TERT: variants seen among roughly 807,000 people sequenced by gnomAD.
The protein encoded by TERT is telomerase catalytic subunit.
TERT carries 42 observed loss-of-function variants against 104.0 expected under a neutral mutation model. That is an observed-to-expected ratio of 0.40 (90% CI 0.32 to 0.52). The LOEUF is 0.52. Among genes scored for constraint, TERT ranks in the 20% least tolerant of loss-of-function variants. The pLI, the probability that TERT is intolerant of heterozygous loss-of-function variation, is 0.43. For synonymous variants in TERT, 781 were observed against 725.6 expected, an observed-to-expected ratio of 1.08 and a Z score of -1.23; for missense variants, 1,101 against 1,610.3, an observed-to-expected ratio of 0.68 and a Z score of 5.41.
At chr5:1,259,061 G>A (rs1747974189) in intron 12 of TERT, among the ~76,000 whole-genome samples, 1 of 149,994 alleles carries the variant, frequency 6.7e-6, no homozygotes, top group Non-Finnish European at 1.5e-5. Context: ...AGGAGAGAGG[G>A]AATGGAGTGG....
At chr5:1,291,226 G>A (rs1274434444) in intron 2 of TERT, among the ~76,000 whole-genome samples, 9 of 109,018 alleles carry the variant, frequency 8.3e-5, no homozygotes, top group South Asian at 3.7e-4. Flanking sequence ...ACCTGGGGCC[G>A]CGCCTCACTC....
Position 1,266,525 on chromosome 5 carries a change from G to A in TERT, c.2593C>T (p.Arg865Cys), listed in dbSNP as rs372868296. 2 of 1,609,394 alleles carry A rather than the reference G, an allele frequency of 1.2e-6. No individual in the cohort carries two copies. The highest frequency in any genetic ancestry group is 2.2e-5 in the East Asian group (1 of 44,832). Residue 865 changes from arginine (R) to cysteine (C), a missense_variant, in exon 10 of 16, where the codon CGT (arginine) becomes TGT (cysteine). By Grantham distance (180) the Arg-to-Cys change is radical. Coordinates refer to ENST00000310581, the MANE Select transcript of TERT (RefSeq NM_198253.3). ...AGIRRDGLLL[R>C]LVDDFLLVTP... ...ACCAACAAGAAATCATCCACCAAAC[G>A]CAGGAGCAGCCTAAAATAAGGGAAA...
rs116673866 is a variant in TERT, at chr5:1,277,014, T to C, written c.2286+1627A>G. ...CACACAAAGAGCTCCTGCAAGCCGA[T>C]GATGGCAGGCAGGCGCCCCATACAG... On this transcript the variant is annotated intron_variant, in intron 6 of 15. Transcript: ENST00000310581. 6.8e-3 allele frequency among the ~76,000 whole-genome samples: 1,038 copies of C among 152,308 alleles called. 12 individuals carry two copies. The highest frequency in any genetic ancestry group is 0.024 in the African/African-American group (998 of 41,562).
Position 1,280,203 on chromosome 5 carries a change from G to A in TERT, c.1905C>T (p.Asn635=), listed in dbSNP as rs891246934. ...PKPDGLRPIV[N]MDYVVGARTF... Reference sequence around the variant, plus strand: ...TTCTGGCTCCCACGACGTAGTCCATGTTCACAATCGGCCGCAGCCCGTCAG... The same window carrying A: ...TTCTGGCTCCCACGACGTAGTCCATATTCACAATCGGCCGCAGCCCGTCAG... The change falls in exon 4 of 16, where the codon AAC becomes AAT. Residue 635 remains asparagine (N), a synonymous_variant. Coordinates refer to ENST00000310581, the MANE Select transcript of TERT (RefSeq NM_198253.3). 5.6e-6 allele frequency: 9 copies of A among 1,613,960 alleles called. No individual in the cohort carries two copies. The highest frequency in any genetic ancestry group is 1.7e-5 in the Admixed American group (1 of 60,016).
Position 1,265,354 on chromosome 5 carries a change from C to T in TERT, c.2655-762G>A, listed in dbSNP as rs1298172552. Among the ~76,000 whole-genome samples, 1 of 152,164 alleles carries T rather than the reference C, an allele frequency of 6.6e-6. No homozygotes were observed. The highest frequency in any genetic ancestry group is 1.5e-5 in the Non-Finnish European group (1 of 68,014). ...TGCATTCCCAGCTCCCTGTGGCCACCCCTTCCTGTTACATGGCTGCCGACT... is the reference window on the plus strand; with the variant it reads ...TGCATTCCCAGCTCCCTGTGGCCACTCCTTCCTGTTACATGGCTGCCGACT... On this transcript the variant is annotated intron_variant, in intron 10 of 15. Coordinates refer to ENST00000310581, the MANE Select transcript of TERT (RefSeq NM_198253.3). This position sits in a 1 kb window ranked among gnomAD's most constrained non-coding sequence, Gnocchi z 6.9.
At position 1,286,411 on chromosome 5, in the gene TERT, C is replaced by A; in HGVS notation, c.1574-3787G>T. On this transcript the variant is annotated intron_variant, in intron 2 of 15. Coordinates refer to ENST00000310581, the MANE Select transcript of TERT (RefSeq NM_198253.3). This position sits in a 1 kb window ranked among gnomAD's most constrained non-coding sequence, Gnocchi z 5.3. ...GCGGGGGCAAAGCTACAGAAACACT[C>A]AACACGGAAAACAATATTAATAATG... Among the ~76,000 whole-genome samples the A allele has an allele frequency of 6.6e-6, 1 of 152,142 alleles. No individual in the cohort carries two copies. The highest frequency in any genetic ancestry group is 1.9e-4 in the East Asian group (1 of 5,194).
At chr5:1,254,270 T>C in intron 15 of TERT, 98 bp downstream of exon 15, 1 of 1,558,920 alleles carries the variant, frequency 6.4e-7, no homozygotes, top group Middle Eastern at 1.7e-4. Flanking sequence ...CGGGGGCGTC[T>C]GCACTTCAGC....
rs1222974466 is a variant in TERT, at chr5:1,262,964, C to A, written c.2843+1440G>T. ...CAGACAAAGCCAGTGGAGGCCAGGA[C>A]CAGGTAAGGCTGTGAGAGGGAAGCA... On this transcript the variant is annotated intron_variant, in intron 11 of 15. Transcript: ENST00000310581. This position sits in a 1 kb window ranked among gnomAD's most constrained non-coding sequence, Gnocchi z 5.6. Among the ~76,000 whole-genome samples the A allele has an allele frequency of 6.6e-6, 1 of 152,170 alleles. No individual in the cohort carries two copies.
rs1747773190 is a variant in TERT, at chr5:1,256,808, G to A, written c.3033-1397C>T. ...CCCAGGAGGGAAACACCTAGCATGG[G>A]TGAGGGGCTCTCTTCCAAAGGGAGA... On this transcript the variant is annotated intron_variant, in intron 13 of 15. Transcript: ENST00000310581. This position sits in a 1 kb window ranked among gnomAD's most constrained non-coding sequence, Gnocchi z 7.0. Among the ~76,000 whole-genome samples the A allele has an allele frequency of 2.6e-5, 4 of 152,244 alleles. No homozygotes were observed.
Position 1,280,335 on chromosome 5 carries a change from C to G in TERT, c.1773G>C (p.Gln591His). The G allele has an allele frequency of 6.2e-7, 1 of 1,612,974 alleles. No homozygotes were observed. The highest frequency in any genetic ancestry group is 8.5e-7 in the Non-Finnish European group (1 of 1,180,002). ...CCCGCAGCTGCACCCTCTTCAAGTG[C>G]TGTCTGCAATAGAGAGCCCCTCAGG... ...WSKLQSIGIR[Q>H]HLKRVQLREL... Residue 591 changes from glutamine (Q) to histidine (H), a missense_variant, in exon 4 of 16, where the codon CAG (glutamine) becomes CAC (histidine). Physicochemically the swap from Gln to His is conservative, Grantham distance 24 (BLOSUM62 0). Coordinates refer to ENST00000310581, the MANE Select transcript of TERT (RefSeq NM_198253.3).
At chr5:1,278,042 G>A (rs369736653) in intron 6 of TERT, among the ~76,000 whole-genome samples, 51 of 152,286 alleles carry the variant, frequency 3.3e-4, no homozygotes, top group African/African-American at 9.1e-4. Flanking sequence ...TCATGGAGCC[G>A]GCATAGGCCA....
intron 6 of TERT, 127 bp downstream of exon 6, chr5:1,278,514 A>T: frequency 7.3e-7 from 1 of 1,360,646 alleles, no homozygotes; most frequent in Non-Finnish European, 1.0e-6. Context: ...ACACACGCAT[A>T]TCACAGATGT....
chr5:1,293,684 G>T lies in TERT; in HGVS notation c.1202C>A (p.Ala401Glu). 2 of 1,573,190 alleles carry T rather than the reference G, an allele frequency of 1.3e-6. No homozygotes were observed. The highest frequency in any genetic ancestry group is 1.7e-6 in the Non-Finnish European group (2 of 1,160,036). Residue 401 changes from alanine to glutamate, a missense_variant, in exon 2 of 16, where the codon GCG becomes GAG. By Grantham distance (107) the Ala-to-Glu change is moderately radical (BLOSUM62 -1). Transcript: ENST00000310581. ...PLFLELLGNHAQCPYGVLLKT... is the reference protein window; with the variant it reads ...PLFLELLGNHEQCPYGVLLKT... ...GAGGAGCACCCCGTAGGGGCACTGC[G>T]CGTGGTTCCCAAGCAGCTCCAGAAA...
chr5:1,287,056 A>G lies in TERT; in HGVS notation c.1574-4432T>C, dbSNP rs1750538052. Among the ~76,000 whole-genome samples, 1 of 152,216 alleles carries G rather than the reference A, an allele frequency of 6.6e-6. No individual in the cohort carries two copies. The highest frequency in any genetic ancestry group is 6.5e-5 in the Admixed American group (1 of 15,282). ...AGGGAACGAGGACATGCAACAGGCAAGTGGAGAATCAGAGTGCACCAGGCG... is the reference window on the plus strand; with the variant it reads ...AGGGAACGAGGACATGCAACAGGCAGGTGGAGAATCAGAGTGCACCAGGCG... On this transcript the variant is annotated intron_variant, in intron 2 of 15. Coordinates refer to ENST00000310581, the MANE Select transcript of TERT (RefSeq NM_198253.3). This position sits in a 1 kb window ranked among gnomAD's most constrained non-coding sequence, Gnocchi z 4.3.
chr5:1,290,185 C>T (rs56016544), intron 2 of TERT, among the ~76,000 whole-genome samples: 4 of 84,658 alleles, frequency 4.7e-5, no homozygotes, highest in Non-Finnish European at 8.6e-5. Context: ...CAGTGCCTCA[C>T]TCACCCTACA....
Position 1,271,176 on chromosome 5 carries a change from C to A in TERT, c.2411G>T (p.Gly804Val), listed in dbSNP as rs1442845192. ...QSSSLNEASSGLFDVFLRFMC... is the reference protein window; with the variant it reads ...QSSSLNEASSVLFDVFLRFMC... ...GAAGCGTAGGAAGACGTCGAAGAGG[C>A]CACTGCTGGCCTCATTCAGGGAGGA... Residue 804 changes from glycine (G) to valine (V), a missense_variant, in exon 8 of 16, where the codon GGC (glycine) becomes GTC (valine). By Grantham distance (109) the Gly-to-Val change is moderately radical (BLOSUM62 -3). Coordinates refer to ENST00000310581, the MANE Select transcript of TERT (RefSeq NM_198253.3). 3 of 1,613,056 alleles carry A rather than the reference C, an allele frequency of 1.9e-6. No homozygotes were observed. Among genetic ancestry groups the A allele is most frequent in the Non-Finnish European group, 2.5e-6 (3 of 1,179,990 alleles).
chr5:1,265,712 A>AAAT lies in TERT; in HGVS notation c.2654+751_2654+752insATT, dbSNP rs1748545334. 6.6e-6 allele frequency among the ~76,000 whole-genome samples: 1 copy of AAAT among 152,126 alleles called. No individual in the cohort carries two copies. On this transcript the variant is annotated intron_variant, in intron 10 of 15. Coordinates refer to ENST00000310581, the MANE Select transcript of TERT (RefSeq NM_198253.3). This position sits in a 1 kb window ranked among gnomAD's most constrained non-coding sequence, Gnocchi z 6.9. ...AAATGGGTTTTCACAAACACAGCCC[A>AAAT]GCAAAGCACCTGAAACCACCCCTGG...
At position 1,253,836 on chromosome 5, in the gene TERT, G is replaced by A. The variant is rs371015305; in HGVS notation, c.3296-5C>T. The A allele has an allele frequency of 2.7e-5, 44 of 1,605,922 alleles. No homozygotes were observed. The highest frequency in any genetic ancestry group is 1.2e-4 in the Admixed American group (7 of 58,668). On this transcript the variant is annotated splice_region_variant and splice_polypyrimidine_tract_variant and intron_variant, in intron 15 of 15. Transcript: ENST00000310581. The stretch of plus-strand genomic sequence containing the variant: ...TCCGACTCAGCTGCGTCTGGGCTGC[G>A]GGGCCAAAATCAGACTCCGTTCCAG...
intron 2 of TERT, among the ~76,000 whole-genome samples, chr5:1,289,415 G>A (rs1271038920): frequency 8.6e-4 from 110 of 128,078 alleles, no homozygotes; most frequent in Non-Finnish European, 1.3e-3. Context: ...GGGACACCCG[G>A]GGACGGCGCC....
Sources: allele counts gnomAD v4.1 joint callset (sites outside exome capture counted in the v4.1 genomes callset), GRCh38; gene constraint gnomAD v4.1.1; non-coding constraint Gnocchi (gnomAD v3.1); transcripts MANE v1.5; gene names NCBI Gene and HGNC (gene_info 2026-07-23, HGNC 2026-07-21).